GABRB2: variants seen among roughly 807,000 people sequenced by gnomAD.
GABRB2 encodes gamma-aminobutyric acid receptor subunit beta-2.
GABRB2 carries 16 observed loss-of-function variants against 54.7 expected under a neutral mutation model. The observed-to-expected ratio is 0.29, with a 90% confidence interval of 0.20 to 0.44. The LOEUF (loss-of-function observed/expected upper bound fraction) is 0.44, where lower values mean the gene tolerates loss of function less well. Among genes scored for constraint, GABRB2 ranks in the 20% least tolerant of loss-of-function variants. The pLI, the probability that GABRB2 is intolerant of heterozygous loss-of-function variation, is 1.00. For synonymous variants in GABRB2, 244 were observed against 233.8 expected (o/e 1.04, Z -0.40); for missense variants, 355 against 644.0 (o/e 0.55, Z 4.86).
At chr5:161,406,266 G>A (rs1004522631) in intron 5 of GABRB2, among the ~76,000 whole-genome samples, 16 of 152,010 alleles carry the variant, frequency 1.1e-4, no homozygotes, top group Admixed American at 2.6e-4. Context: ...TCCCTACAAA[G>A]TAAAATAAAT....
chr5:161,497,416 A>G (rs1259835370), intron 3 of GABRB2, among the ~76,000 whole-genome samples: 2 of 152,078 alleles, frequency 1.3e-5, no homozygotes, highest in African/African-American at 2.4e-5. Flanking sequence ...AAAGTGTTCT[A>G]TCTCATAGCT....
intron 9 of GABRB2, among the ~76,000 whole-genome samples, chr5:161,321,421 T>C (rs1479592153): frequency 4.6e-5 from 7 of 152,122 alleles, no homozygotes; most frequent in Non-Finnish European, 7.4e-5. Flanking sequence ...CCTTAACTCC[T>C]GGACATGTAT....
At position 161,454,200 on chromosome 5, in the gene GABRB2, G is replaced by A. The variant is rs912420903; in HGVS notation, c.458+5424C>T. The stretch of plus-strand genomic sequence containing the variant: ...ACATTATTAAATGAAAATTATTGAA[G>A]GCATGCTACAACTGAGGCGCTTGCC... On this transcript the variant is annotated intron_variant, in intron 4 of 9. Transcript: ENST00000393959. Among the ~76,000 whole-genome samples the A allele has an allele frequency of 1.2e-4, 18 of 152,114 alleles. 1 individual carries two copies. The highest frequency in any genetic ancestry group is 2.5e-4 in the Non-Finnish European group (17 of 68,022).
intron 3 of GABRB2, among the ~76,000 whole-genome samples, chr5:161,463,600 T>TATATATGA (rs1561659609): frequency 9.7e-6 from 1 of 103,334 alleles, no homozygotes; most frequent in South Asian, 3.8e-4. Context: ...TATATATATA[T>TATATATGA]GAAAGAGAAT....
chr5:161,314,125 G>T (rs1165720334), intron 9 of GABRB2, among the ~76,000 whole-genome samples: 1 of 152,214 alleles, frequency 6.6e-6, no homozygotes, highest in African/African-American at 2.4e-5. Flanking sequence ...AACAATCCTG[G>T]ATCACGGGCT....
At chr5:161,459,355 T>A (rs1379563839) in intron 4 of GABRB2, 2 of 458,076 alleles carry the variant, frequency 4.4e-6, no homozygotes, top group African/African-American at 3.9e-5. Flanking sequence ...GCTATTTTGA[T>A]ATTCTTTATC....
intron 5 of GABRB2, among the ~76,000 whole-genome samples, chr5:161,355,064 T>A (rs569264607): frequency 6.6e-6 from 1 of 152,040 alleles, no homozygotes; most frequent in African/African-American, 2.4e-5. Flanking sequence ...TTCAATGAAC[T>A]CCTCATAAAG....
intron 5 of GABRB2, among the ~76,000 whole-genome samples, chr5:161,348,247 C>T (rs1233577626): frequency 6.6e-6 from 1 of 151,896 alleles, no homozygotes; most frequent in Non-Finnish European, 1.5e-5. Flanking sequence ...TTAAAAATAT[C>T]ATTAATTAAT....
chr5:161,479,058 G>T (rs897539515), intron 3 of GABRB2, among the ~76,000 whole-genome samples: 13 of 151,968 alleles, frequency 8.6e-5, no homozygotes, highest in African/African-American at 3.1e-4. Flanking sequence ...GCAGACCCAG[G>T]CTGGTACAAC....
intron 4 of GABRB2, among the ~76,000 whole-genome samples, chr5:161,440,080 C>A (rs76967311): frequency 0.014 from 1,222 of 89,776 alleles, 11 homozygotes; most frequent in Middle Eastern, 0.035. Flanking sequence ...AAAAAAAAAA[C>A]AAAACACATA....
chr5:161,472,327 GGA>G (rs752131583), intron 3 of GABRB2, among the ~76,000 whole-genome samples: 3 of 151,490 alleles, frequency 2.0e-5, no homozygotes, highest in Admixed American at 6.6e-5. Flanking sequence ...AGCTGCCTCT[GGA>G]ACACCCATCT....
intron 3 of GABRB2, among the ~76,000 whole-genome samples, chr5:161,524,931 G>C (rs948105559): frequency 1.3e-5 from 2 of 151,166 alleles, no homozygotes; most frequent in African/African-American, 4.8e-5. Flanking sequence ...AAATATATAA[G>C]CATGAAAAAT....
chr5:161,440,530 G>A (rs1408172020), intron 4 of GABRB2, among the ~76,000 whole-genome samples: 1 of 152,030 alleles, frequency 6.6e-6, no homozygotes, highest in Non-Finnish European at 1.5e-5. Context: ...TTAGCAAGAG[G>A]ATATAATAAT....
chr5:161,462,768 T>C (rs1403128070), intron 3 of GABRB2, among the ~76,000 whole-genome samples: 1 of 152,164 alleles, frequency 6.6e-6, no homozygotes, highest in Non-Finnish European at 1.5e-5. Flanking sequence ...AATTTTGATT[T>C]CATTTATTTT....
chr5:161,476,964 A>ACC lies in GABRB2; in HGVS notation c.238-17121_238-17120insGG, dbSNP rs1344148326. Among the ~76,000 whole-genome samples, 48 of 151,996 alleles carry ACC rather than the reference A, an allele frequency of 3.2e-4. 1 individual carries two copies. ...AAATTTAAAGACTTATGCATACCAA[A>ACC]TGAAACAATCAGCAGAGCTAAAGGG... On this transcript the variant is annotated intron_variant, in intron 3 of 9. Coordinates refer to ENST00000393959, the MANE Select transcript of GABRB2 (RefSeq NM_001371727.1).
intron 3 of GABRB2, among the ~76,000 whole-genome samples, chr5:161,496,517 A>G (rs1759255050): frequency 6.6e-6 from 1 of 151,958 alleles, no homozygotes; most frequent in African/African-American, 2.4e-5. Flanking sequence ...AAGAAAAAAG[A>G]ATCCATAGTA....
intron 9 of GABRB2, among the ~76,000 whole-genome samples, chr5:161,308,584 G>T (rs1486580447): frequency 6.6e-6 from 1 of 152,166 alleles, no homozygotes; most frequent in Non-Finnish European, 1.5e-5. Context: ...GACAAAGCTG[G>T]AGGCATCACT....
intron 4 of GABRB2, among the ~76,000 whole-genome samples, chr5:161,427,852 C>T (rs1046758344): frequency 2.6e-5 from 4 of 152,146 alleles, no homozygotes; most frequent in African/African-American, 7.2e-5. Context: ...AATTTTCATG[C>T]CCAGTGTTCA....
intron 3 of GABRB2, among the ~76,000 whole-genome samples, chr5:161,477,404 C>T (rs1401094374): frequency 2.0e-5 from 3 of 151,296 alleles, no homozygotes; most frequent in Non-Finnish European, 1.5e-5. Context: ...ATGGCTGTTC[C>T]TAAAAACATA....
Sources: allele counts gnomAD v4.1 joint callset (sites outside exome capture counted in the v4.1 genomes callset), GRCh38; gene constraint gnomAD v4.1.1; transcripts MANE v1.5; gene names NCBI Gene and HGNC (gene_info 2026-07-23, HGNC 2026-07-21).